The following COL28A1 variants were observed in gnomAD, a reference collection of about 807,000 sequenced individuals.
COL28A1 encodes the protein collagen alpha-1(XXVIII) chain.
A neutral mutation model predicts 150.2 loss-of-function variants in COL28A1; 161 were observed. The ratio of observed to expected loss-of-function variants is 1.07; its 90% confidence interval spans 0.94 to 1.22. COL28A1 has a LOEUF of 1.22. Ranked by LOEUF, COL28A1 falls within the 50% of genes most tolerant of loss-of-function variation. The pLI is 0.00. For missense variants in COL28A1, 1,617 were observed against 1,388.3 expected, an observed-to-expected ratio of 1.16 and a Z score of -2.62; for synonymous variants, 552 against 469.7, an observed-to-expected ratio of 1.18 and a Z score of -2.26.
chr7:7,349,425 C>A, the COL28A1 span, among the ~76,000 whole-genome samples: 18 of 152,200 alleles, frequency 1.2e-4, no homozygotes, highest in Admixed American at 7.2e-4. Context: ...GGGTAGTTTC[C>A]TCACTTGCAT....
downstream of COL28A1, among the ~76,000 whole-genome samples, chr7:7,355,791 T>C (rs1262416016): frequency 6.6e-6 from 1 of 152,198 alleles, no homozygotes; most frequent in East Asian, 1.9e-4. Context: ...TATACTACTT[T>C]TGAATGTTTA....
intron 14 of COL28A1, among the ~76,000 whole-genome samples, chr7:7,475,194 A>T (rs189647252): frequency 6.6e-6 from 1 of 152,326 alleles, no homozygotes; most frequent in East Asian, 1.9e-4. Context: ...CTACAGTTAC[A>T]TGACGTAAGT....
chr7:7,515,883 G>A (rs769347539), intron 7 of COL28A1, 43 bp from the exon 8 acceptor site: 20 of 842,388 alleles, frequency 2.4e-5, no homozygotes, highest in Admixed American at 1.6e-4. Context: ...GATACTCTGA[G>A]GCAGAATTAG....
At chr7:7,383,273 TG>T (rs1417818190) in intron 27 of COL28A1, among the ~76,000 whole-genome samples, 2 of 140,402 alleles carry the variant, frequency 1.4e-5, no homozygotes, top group African/African-American at 5.9e-5. Context: ...TGTGTGTGTG[TG>T]TGTGTGTGTG....
intron 20 of COL28A1, among the ~76,000 whole-genome samples, chr7:7,441,969 T>C (rs1460231405): frequency 6.6e-6 from 1 of 152,146 alleles, no homozygotes; most frequent in African/African-American, 2.4e-5. Flanking sequence ...CCACAACTCT[T>C]TATTTTCTTC....
chr7:7,441,148 C>T (rs537199832), intron 20 of COL28A1, among the ~76,000 whole-genome samples: 1 of 152,076 alleles, frequency 6.6e-6, no homozygotes, highest in Non-Finnish European at 1.5e-5. Context: ...TCATTTTCAC[C>T]CTTGGTCTAT....
intron 27 of COL28A1, among the ~76,000 whole-genome samples, chr7:7,393,733 C>T (rs981174766): frequency 2.6e-5 from 4 of 152,288 alleles, no homozygotes; most frequent in African/African-American, 7.2e-5. Context: ...GGGACTTCCC[C>T]GCAACTTTCT....
chr7:7,513,922 G>A (rs1781286896), intron 8 of COL28A1, among the ~76,000 whole-genome samples: 1 of 152,174 alleles, frequency 6.6e-6, no homozygotes, highest in Non-Finnish European at 1.5e-5. Context: ...TTCAGAAAGC[G>A]AGTACTTCAG....
At chr7:7,530,450 T>C (rs562911241) in intron 3 of COL28A1, among the ~76,000 whole-genome samples, 1 of 152,338 alleles carries the variant, frequency 6.6e-6, no homozygotes, top group South Asian at 2.1e-4. Context: ...CTGTGCAAGC[T>C]GTAGAAAACA....
chr7:7,485,932 A>T (rs1562803805), intron 13 of COL28A1, among the ~76,000 whole-genome samples: 1 of 152,172 alleles, frequency 6.6e-6, no homozygotes, highest in East Asian at 1.9e-4. Context: ...TTTAAAAGCT[A>T]TTCTAGCTCT....
intron 2 of COL28A1, among the ~76,000 whole-genome samples, chr7:7,532,405 G>C (rs1018185991): frequency 7.2e-5 from 11 of 151,978 alleles, no homozygotes; most frequent in African/African-American, 2.7e-4. Flanking sequence ...TTAAATCCCA[G>C]CTCTGTGTCT....
intron 30 of COL28A1, 55 bp from the exon 31 acceptor site, chr7:7,375,552 T>C: frequency 1.7e-6 from 2 of 1,191,754 alleles, no homozygotes; most frequent in Non-Finnish European, 2.4e-6. Flanking sequence ...ATATTTTTCC[T>C]AGAGCCATAA....
In COL28A1 at chr7:7,504,285, C is replaced by A. The variant is rs372625349; in HGVS notation, c.1026+1729G>T. On this transcript the variant is annotated intron_variant, in intron 11 of 34. Coordinates refer to ENST00000399429, the MANE Select transcript of COL28A1 (RefSeq NM_001037763.3). The stretch of plus-strand genomic sequence containing the variant: ...GCCAAGGCAGGAGGATTCCTTGAGG[C>A]CAGGCATTCCAGACTCAACTGGGCA... Among the ~76,000 whole-genome samples, 52 of 152,172 alleles carry A rather than the reference C, an allele frequency of 3.4e-4. 1 individual carries two copies. In the East Asian group the frequency reaches 8.3e-3, roughly 24 times the overall value.
Position 7,373,960 on chromosome 7 carries a change from A to G in COL28A1, c.2360-414T>C, listed in dbSNP as rs972256512. The stretch of plus-strand genomic sequence containing the variant: ...GTGATATGCCCGCCTCGGCCTCCCA[A>G]AGTGCTGGGATTACAGGCGTGAGCC... On this transcript the variant is annotated intron_variant, in intron 31 of 34. Transcript: ENST00000399429. The surrounding 1 kb of genome is among the most constrained non-coding windows in gnomAD (Gnocchi z 4.1). Among the ~76,000 whole-genome samples, 9 of 148,676 alleles carry G rather than the reference A, an allele frequency of 6.1e-5. No individual in the cohort carries two copies. The highest frequency in any genetic ancestry group is 2.2e-4 in the African/African-American group (9 of 40,242).
upstream of COL28A1, among the ~76,000 whole-genome samples, chr7:7,539,534 G>C (rs529757988): frequency 2.6e-5 from 4 of 152,046 alleles, no homozygotes; most frequent in Non-Finnish European, 4.4e-5. Context: ...GTTTGGAGGG[G>C]GCAAATATGC....
intron 25 of COL28A1, 93 bp from the exon 26 acceptor site, chr7:7,420,046 T>C (rs1216292175): frequency 2.7e-6 from 2 of 745,148 alleles, no homozygotes; most frequent in Non-Finnish European, 4.1e-6. Context: ...ACTTCTTGAA[T>C]GTGACTAAGG....
chr7:7,491,428 G>A (rs182816134), intron 11 of COL28A1, among the ~76,000 whole-genome samples: 18 of 152,318 alleles, frequency 1.2e-4, no homozygotes, highest in African/African-American at 4.1e-4. Flanking sequence ...TGCTGAAGAG[G>A]CCTGGCTCCT....
At position 7,490,630 on chromosome 7, in the gene COL28A1, G is replaced by T; in HGVS notation, c.1043C>A (p.Pro348His). 1 of 1,341,676 alleles carries T rather than the reference G, an allele frequency of 7.5e-7. No individual in the cohort carries two copies. Among genetic ancestry groups the T allele is most frequent in the Non-Finnish European group, 1.1e-6 (1 of 932,408 alleles). The allele number at this position is 1,341,676 out of a possible 1,614,324, so 83.1% of individuals were successfully genotyped here. ...AGCTCCTGGAGAACCATAAGGACCA[G>T]GAGGACCTGGCTCACCCTGGAGGAA... is the stretch of plus-strand genomic sequence containing the variant. ...FQGNKGEPGP[P>H]GPYGSPGAPG... Residue 348 changes from proline to histidine, a missense_variant, in exon 12 of 35, where the codon CCT becomes CAT. By Grantham distance (77) the Pro-to-His change is moderately conservative (BLOSUM62 -2). Transcript: ENST00000399429.
intron 11 of COL28A1, among the ~76,000 whole-genome samples, chr7:7,503,979 G>GAGGC (rs1780670551): frequency 6.6e-6 from 1 of 152,140 alleles, no homozygotes; most frequent in Admixed American, 6.5e-5. Flanking sequence ...TTACAAAAGA[G>GAGGC]AGGCCCTTGG....
Sources: allele counts gnomAD v4.1 joint callset (sites outside exome capture counted in the v4.1 genomes callset), GRCh38; gene constraint gnomAD v4.1.1; non-coding constraint Gnocchi (gnomAD v3.1); transcripts MANE v1.5; gene names NCBI Gene and HGNC (gene_info 2026-07-23, HGNC 2026-07-21).